Variants in TENM2 observed in about 807,000 individuals in gnomAD.
The protein encoded by TENM2 is teneurin transmembrane protein 2, also known as teneurin-2.
TENM2 carries 52 observed loss-of-function variants against 245.2 expected under a neutral mutation model. The observed-to-expected ratio is 0.21, with a 90% CI of 0.17 to 0.27. The LOEUF (loss-of-function observed/expected upper bound fraction) is 0.27, where lower values mean the gene tolerates loss of function less well. Among genes scored for constraint, TENM2 ranks in the 10% least tolerant of loss-of-function variants. TENM2 has a pLI of 1.00. For missense variants in TENM2, 3,046 were observed against 3,666.8 expected, an observed-to-expected ratio of 0.83 and a Z score of 4.37; for synonymous variants, 1,363 against 1,438.9, an observed-to-expected ratio of 0.95 and a Z score of 1.19.
intron 4 of TENM2, among the ~76,000 whole-genome samples, chr5:167,964,356 G>T (rs1049570005): frequency 6.6e-6 from 1 of 152,150 alleles, no homozygotes; most frequent in African/African-American, 2.4e-5. Context: ...TCCCTAAGCA[G>T]GACAAAACTT....
Position 167,760,471 on chromosome 5 carries a change from C to A in TENM2, c.503-115515C>A, listed in dbSNP as rs190017040. Among the ~76,000 whole-genome samples the A allele has an allele frequency of 1.0e-3, 152 of 152,254 alleles. 1 individual carries two copies. Among genetic ancestry groups the A allele is most frequent in the South Asian group, 2.1e-3 (10 of 4,822 alleles). The stretch of plus-strand genomic sequence containing the variant: ...AACATCCAATTGCAGGCAATCGAGG[C>A]TTCTCCCACTTGTTCCCTTTCTCCT... On this transcript the variant is annotated intron_variant, in intron 2 of 28. Transcript: ENST00000518659.
rs539481083 is a variant in TENM2, at chr5:167,290,310, G to A, written c.226+5247G>A. Among the ~76,000 whole-genome samples the A allele has an allele frequency of 2.0e-5, 3 of 152,268 alleles. No homozygotes were observed. In the South Asian group the frequency reaches 6.2e-4, roughly 32 times the overall value. On this transcript the variant is annotated intron_variant, in intron 1 of 28. Transcript: ENST00000518659. ...TTGATCAAATTCTAGAACACAGACT[G>A]AGTCTCATTTTCTCCATTTGTAAAA...
the TENM2 span, among the ~76,000 whole-genome samples, chr5:167,038,584 T>C: frequency 6.6e-6 from 1 of 152,204 alleles, no homozygotes; most frequent in East Asian, 1.9e-4. Flanking sequence ...AGACTTTTCT[T>C]ATCTGAGAAT....
chr5:167,480,918 C>T (rs1014542417), intron 2 of TENM2, among the ~76,000 whole-genome samples: 3 of 152,140 alleles, frequency 2.0e-5, no homozygotes, highest in African/African-American at 7.2e-5. Context: ...TATAAGAAGT[C>T]TGTTTAACAG....
chr5:167,768,673 C>T (rs557392680), intron 2 of TENM2, among the ~76,000 whole-genome samples: 124 of 152,308 alleles, frequency 8.1e-4, no homozygotes, highest in African/African-American at 2.8e-3. Flanking sequence ...ACTGTGTGAC[C>T]TGGGATTATT....
intron 3 of TENM2, among the ~76,000 whole-genome samples, chr5:167,923,333 A>AG (rs1381012479): frequency 6.6e-6 from 1 of 152,080 alleles, no homozygotes; most frequent in Non-Finnish European, 1.5e-5. Flanking sequence ...AGAAAAAAAA[A>AG]AAAGCCATGG....
chr5:168,080,941 T>G (rs904520416), intron 7 of TENM2, among the ~76,000 whole-genome samples: 31 of 152,218 alleles, frequency 2.0e-4, no homozygotes, highest in African/African-American at 6.5e-4. Context: ...TAGATGTCTA[T>G]TAGGTCTACT....
the TENM2 span, among the ~76,000 whole-genome samples, chr5:167,157,670 C>T: frequency 3.3e-5 from 5 of 152,072 alleles, no homozygotes; most frequent in African/African-American, 1.2e-4. Flanking sequence ...TATTAAAGCC[C>T]ATCAACTACA....
At chr5:167,640,903 A>ATATC (rs1561629259) in intron 2 of TENM2, among the ~76,000 whole-genome samples, 49 of 95,528 alleles carry the variant, frequency 5.1e-4, no homozygotes, top group Middle Eastern at 5.7e-3. Context: ...ATATATATAT[A>ATATC]TATCTTTCTC....
At chr5:167,634,680 T>G (rs1779082303) in intron 2 of TENM2, among the ~76,000 whole-genome samples, 1 of 152,024 alleles carries the variant, frequency 6.6e-6, no homozygotes, top group African/African-American at 2.4e-5. Context: ...TTTAACCACG[T>G]ACTTAAGCTT....
chr5:167,529,615 A>C lies in TENM2; in HGVS notation c.502+154142A>C, dbSNP rs117752600. ...AGCTGAGATGAAGGGTAACCTTGAAAACAGTGAAGTCACGTGTATGCTCAC... is the reference window on the plus strand; with the variant it reads ...AGCTGAGATGAAGGGTAACCTTGAACACAGTGAAGTCACGTGTATGCTCAC... On this transcript the variant is annotated intron_variant, in intron 2 of 28. Coordinates refer to ENST00000518659, the Ensembl canonical transcript of TENM2. 3.0e-4 allele frequency among the ~76,000 whole-genome samples: 46 copies of C among 152,346 alleles called. No individual in the cohort carries two copies. In the East Asian group the frequency reaches 8.5e-3, roughly 28 times the overall value.
intron 2 of TENM2, among the ~76,000 whole-genome samples, chr5:167,458,557 A>G (rs1403840062): frequency 6.7e-6 from 1 of 150,204 alleles, no homozygotes; most frequent in African/African-American, 2.5e-5. Context: ...CAAAATGTCA[A>G]ACAAGTGAAA....
chr5:167,429,879 T>G (rs1361758758), intron 2 of TENM2, among the ~76,000 whole-genome samples: 1 of 152,072 alleles, frequency 6.6e-6, no homozygotes, highest in Non-Finnish European at 1.5e-5. Flanking sequence ...AGTGCTGGGA[T>G]TACAGGAGGA....
chr5:167,043,767 T>G, the TENM2 span, among the ~76,000 whole-genome samples: 1 of 152,268 alleles, frequency 6.6e-6, no homozygotes, highest in Non-Finnish European at 1.5e-5. Context: ...ATCCCAGCAC[T>G]TTGGGAGGCC....
chr5:167,017,947 A>G, the TENM2 span, among the ~76,000 whole-genome samples: 7 of 152,202 alleles, frequency 4.6e-5, no homozygotes, highest in Admixed American at 3.9e-4. Flanking sequence ...GGAAATAGGA[A>G]AATGGGGAAA....
At chr5:167,084,934 C>A in the TENM2 span, among the ~76,000 whole-genome samples, 1 of 152,088 alleles carries the variant, frequency 6.6e-6, no homozygotes, top group Non-Finnish European at 1.5e-5. Flanking sequence ...ACCTATGATG[C>A]CTTTAACATT....
intron 6 of TENM2, among the ~76,000 whole-genome samples, chr5:168,056,822 G>C (rs963441555): frequency 6.6e-6 from 1 of 151,920 alleles, no homozygotes; most frequent in Non-Finnish European, 1.5e-5. Context: ...TCTATGTTTA[G>C]ATACACAAGT....
chr5:167,545,570 A>G (rs1452675793), intron 2 of TENM2, among the ~76,000 whole-genome samples: 1 of 152,206 alleles, frequency 6.6e-6, no homozygotes, highest in African/African-American at 2.4e-5. Flanking sequence ...ACACGTATGT[A>G]TGGCTTTCTG....
intron 3 of TENM2, among the ~76,000 whole-genome samples, chr5:167,891,671 T>G (rs1448771177): frequency 6.6e-6 from 1 of 152,212 alleles, no homozygotes; most frequent in Admixed American, 6.5e-5. Flanking sequence ...ACCTCACCTC[T>G]GGCTCTGAGG....
Sources: allele counts gnomAD v4.1 joint callset (sites outside exome capture counted in the v4.1 genomes callset), GRCh38; gene constraint gnomAD v4.1.1; transcripts MANE v1.5; gene names NCBI Gene and HGNC (gene_info 2026-07-23, HGNC 2026-07-21).